The following NCOR1 variants were observed in gnomAD, a reference collection of about 807,000 sequenced individuals.
The protein encoded by NCOR1 is nuclear receptor corepressor 1.
A neutral mutation model predicts 288.1 loss-of-function variants in NCOR1; 63 were observed. The ratio of observed to expected loss-of-function variants is 0.22; its 90% CI spans 0.18 to 0.27. The LOEUF (loss-of-function observed/expected upper bound fraction) is 0.27, where lower values mean the gene tolerates loss of function less well. Among genes scored for constraint, NCOR1 ranks in the 10% least tolerant of loss-of-function variants. The pLI, the probability that NCOR1 is intolerant of heterozygous loss-of-function variation, is 1.00. For missense variants in NCOR1, 2,397 were observed against 3,019.2 expected (o/e 0.79, Z 4.83); for synonymous variants, 1,007 against 1,065.9 (o/e 0.94, Z 1.08).
intron 3 of NCOR1, among the ~76,000 whole-genome samples, chr17:16,177,136 C>A (rs745669196): frequency 6.6e-6 from 1 of 151,974 alleles, no homozygotes; most frequent in Non-Finnish European, 1.5e-5. Flanking sequence ...TTACCTTAAG[C>A]CACATCTACT....
chr17:16,148,297 G>C (rs534135686), intron 9 of NCOR1, among the ~76,000 whole-genome samples: 3 of 152,260 alleles, frequency 2.0e-5, no homozygotes, highest in Non-Finnish European at 2.9e-5. Flanking sequence ...CAAGTTTGCA[G>C]AGAATTGGTT....
intron 3 of NCOR1, among the ~76,000 whole-genome samples, chr17:16,174,646 T>C (rs981773223): frequency 1.3e-5 from 2 of 152,158 alleles, no homozygotes; most frequent in African/African-American, 4.8e-5. Context: ...TACTCAGCCA[T>C]AAATAAATAT....
chr17:16,172,562 T>TA (rs2083324744), intron 3 of NCOR1, among the ~76,000 whole-genome samples: 1 of 151,948 alleles, frequency 6.6e-6, no homozygotes, highest in Non-Finnish European at 1.5e-5. Flanking sequence ...AAGCAAGAAA[T>TA]AAAAATCTCC....
At position 16,057,813 on chromosome 17, in the gene NCOR1, A is replaced by C. The variant is rs139992514; in HGVS notation, c.6169-76T>G. On this transcript the variant is annotated intron_variant, in intron 39 of 45. Coordinates refer to ENST00000268712, the MANE Select transcript of NCOR1 (RefSeq NM_006311.4). ...AAAAAAATAGTATTAAGAAATCTAG[A>C]TATCTTTATTATAAATTTCTTTTTC... is the stretch of plus-strand genomic sequence containing the variant. The C allele has an allele frequency of 3.3e-5, 49 of 1,484,616 alleles. No individual in the cohort carries two copies. In the South Asian group the frequency reaches 5.9e-4, roughly 18 times the overall value. The allele number at this position is 1,484,616 out of a possible 1,614,324, so 92.0% of individuals were successfully genotyped here.
chr17:16,087,190 G>C, intron 22 of NCOR1: 14 of 1,304,002 alleles, frequency 1.1e-5, no homozygotes, highest in Non-Finnish European at 1.4e-5. Flanking sequence ...ACACTATAGC[G>C]GGCTGCACTC....
In NCOR1 at chr17:16,146,292, T is replaced by C. The variant is rs911513751; in HGVS notation, c.1082+84A>G. The stretch of plus-strand genomic sequence containing the variant: ...CCGAGAAACACCCAAGAATGATCAA[T>C]ACATACTAAAAAAATTTTTAAAAAA... On this transcript the variant is annotated intron_variant, in intron 10 of 45. Coordinates refer to ENST00000268712, the MANE Select transcript of NCOR1 (RefSeq NM_006311.4). 23 of 1,295,890 alleles carry C rather than the reference T, an allele frequency of 1.8e-5. No homozygotes were observed. In the Middle Eastern group the frequency reaches 1.3e-3, roughly 74 times the overall value. The allele number at this position is 1,295,890 out of a possible 1,614,324, so 80.3% of individuals were successfully genotyped here.
chr17:16,058,279 AT>A, intron 38 of NCOR1, 191 bp downstream of exon 38: 1 of 910,636 alleles, frequency 1.1e-6, no homozygotes, highest in Non-Finnish European at 1.6e-6. Flanking sequence ...AGCAAACAAA[AT>A]TAATATAAAC....
chr17:16,130,393 C>A (rs550289074), intron 14 of NCOR1, among the ~76,000 whole-genome samples: 3 of 152,074 alleles, frequency 2.0e-5, no homozygotes, highest in African/African-American at 7.2e-5. Flanking sequence ...CACAGGGTGG[C>A]TGGAGCAAAA....
At chr17:16,042,134 G>C (rs2057825433) in intron 42 of NCOR1, among the ~76,000 whole-genome samples, 1 of 135,892 alleles carries the variant, frequency 7.4e-6, no homozygotes, top group African/African-American at 3.0e-5. Flanking sequence ...AAACAAACTT[G>C]GTTGATTAGG....
At chr17:16,188,885 C>A (rs539463593) in intron 2 of NCOR1, among the ~76,000 whole-genome samples, 18 of 151,734 alleles carry the variant, frequency 1.2e-4, no homozygotes, top group Non-Finnish European at 2.1e-4. Flanking sequence ...ACTAGCCAGG[C>A]ATGGTGGCAG....
At chr17:16,162,015 C>T (rs1023170559) in intron 5 of NCOR1, among the ~76,000 whole-genome samples, 3 of 151,606 alleles carry the variant, frequency 2.0e-5, no homozygotes, top group African/African-American at 4.8e-5. Flanking sequence ...AGAGACTCAG[C>T]GAAATCAAAC....
intron 11 of NCOR1, among the ~76,000 whole-genome samples, chr17:16,140,514 T>A (rs2076997965): frequency 6.6e-6 from 1 of 152,128 alleles, no homozygotes; most frequent in Admixed American, 6.5e-5. Context: ...ATAATTTTTT[T>A]AAATTAGCTA....
chr17:16,123,426 T>A (rs1391508116), intron 15 of NCOR1, among the ~76,000 whole-genome samples: 2 of 152,168 alleles, frequency 1.3e-5, no homozygotes, highest in African/African-American at 2.4e-5. Flanking sequence ...CTGATTCATA[T>A]CTCTAGTCTA....
chr17:16,086,385 G>A lies in NCOR1; in HGVS notation c.3074C>T (p.Pro1025Leu), dbSNP rs557813338. ...CGGTGGCCTGGTTGGTCGAGTTGTC[G>A]GAAGCCGAACGCCTTCAGGGAGATT... ...ITNLPEGVRL[P>L]TTRPTRPPPP... The change falls in exon 23 of 46, where the codon CCG becomes CTG. Residue 1025 changes from proline (P) to leucine (L), a missense_variant. Transcript: ENST00000268712. 1.2e-5 allele frequency: 19 copies of A among 1,613,944 alleles called. No homozygotes were observed. Among genetic ancestry groups the A allele is most frequent in the South Asian group, 2.2e-5 (2 of 91,084 alleles).
chr17:16,109,013 G>T, intron 18 of NCOR1, 101 bp from the exon 19 acceptor site: 2 of 888,212 alleles, frequency 2.3e-6, no homozygotes, highest in Non-Finnish European at 3.1e-6. Flanking sequence ...ACACACACCA[G>T]ACAAGGAGGT....
intron 3 of NCOR1, among the ~76,000 whole-genome samples, chr17:16,184,048 C>A (rs903383565): frequency 2.0e-5 from 3 of 152,062 alleles, no homozygotes; most frequent in Non-Finnish European, 4.4e-5. Flanking sequence ...TGAAATTAGA[C>A]CCTTGTTTTA....
intron 32 of NCOR1, among the ~76,000 whole-genome samples, chr17:16,067,523 G>A (rs2061272413): frequency 6.6e-6 from 1 of 152,198 alleles, no homozygotes. Flanking sequence ...TTATGAAAAA[G>A]CCTTGGCATT....
At chr17:16,133,886 C>T (rs1236953833) in intron 14 of NCOR1, among the ~76,000 whole-genome samples, 1 of 152,190 alleles carries the variant, frequency 6.6e-6, no homozygotes, top group Non-Finnish European at 1.5e-5. Flanking sequence ...AGCAAAATCT[C>T]GTGGTTTTAC....
At chr17:16,149,244 T>G (rs2078487290) in intron 9 of NCOR1, among the ~76,000 whole-genome samples, 1 of 150,196 alleles carries the variant, frequency 6.7e-6, no homozygotes, top group Non-Finnish European at 1.5e-5. Context: ...TTTGATAATA[T>G]TAAATGTAAG....
Sources: allele counts gnomAD v4.1 joint callset (sites outside exome capture counted in the v4.1 genomes callset), GRCh38; gene constraint gnomAD v4.1.1; transcripts MANE v1.5; gene names NCBI Gene and HGNC (gene_info 2026-07-23, HGNC 2026-07-21).